Variants in CKAP2 observed in about 807,000 individuals in gnomAD.
CKAP2 encodes cytoskeleton associated protein 2.
Under a neutral mutation model 58.4 loss-of-function variants are expected in CKAP2, and 46 were observed. The ratio of observed to expected loss-of-function variants is 0.79; its 90% CI spans 0.62 to 1.01. CKAP2 has a LOEUF of 1.01. CKAP2 is among the 50% of genes least tolerant of loss of function. CKAP2 has a pLI of 0.00. For synonymous variants in CKAP2, 293 were observed against 280.9 expected, an observed-to-expected ratio of 1.04 and a Z score of -0.43; for missense variants, 809 against 796.4, an observed-to-expected ratio of 1.02 and a Z score of -0.19.
At chr13:52,465,219 G>T (rs1319941977) in intron 5 of CKAP2, 76 bp from the exon 6 acceptor site, 2 of 1,244,566 alleles carry the variant, frequency 1.6e-6, no homozygotes, top group Non-Finnish European at 2.3e-6. Flanking sequence ...CATTGATCTT[G>T]ACTATAGTAG....
At chr13:52,471,598 T>C (rs1958762252) in intron 7 of CKAP2, among the ~76,000 whole-genome samples, 1 of 152,044 alleles carries the variant, frequency 6.6e-6, no homozygotes, top group Non-Finnish European at 1.5e-5. Flanking sequence ...CTTGAACACA[T>C]AATTTTCCCC....
chr13:52,474,311 C>T (rs913504083), intron 8 of CKAP2, among the ~76,000 whole-genome samples: 1 of 151,892 alleles, frequency 6.6e-6, no homozygotes, highest in Non-Finnish European at 1.5e-5. Context: ...CATGGCAAAA[C>T]CCCATCTCTA....
In CKAP2 at chr13:52,462,359, A is replaced by G. The variant is rs758562966; in HGVS notation, c.1101-4A>G. 1.6e-5 allele frequency: 25 copies of G among 1,612,618 alleles called. No homozygotes were observed. Among genetic ancestry groups the G allele is most frequent in the Non-Finnish European group, 1.8e-5 (21 of 1,179,622 alleles). ...GTAACGTTTATATCTGCTTCTAACT[A>G]TAGAGCTCGTCTGAGTGAGTGGAAA... is the stretch of plus-strand genomic sequence containing the variant. On this transcript the variant is annotated splice_region_variant and splice_polypyrimidine_tract_variant and intron_variant, in intron 4 of 8. Coordinates refer to ENST00000258607, the MANE Select transcript of CKAP2 (RefSeq NM_018204.5).
intron 2 of CKAP2, among the ~76,000 whole-genome samples, chr13:52,459,625 AT>A (rs576169029): frequency 2.0e-5 from 3 of 146,554 alleles, no homozygotes; most frequent in African/African-American, 2.5e-5. Flanking sequence ...TCCTGGCCTC[AT>A]TTTTTTTTTC....
chr13:52,473,663 G>T (rs1032317320), intron 7 of CKAP2, 166 bp from the exon 8 acceptor site: 76 of 564,272 alleles, frequency 1.3e-4, no homozygotes, highest in Non-Finnish European at 1.9e-4. Flanking sequence ...AATAGTATTT[G>T]TTATATAGTT....
chr13:52,473,792 C>T, intron 7 of CKAP2, 37 bp from the exon 8 acceptor site: 1 of 1,543,848 alleles, frequency 6.5e-7, no homozygotes, highest in Non-Finnish European at 8.7e-7. Context: ...TCTTAAAATT[C>T]AGCCAAAAGC....
chr13:52,467,124 G>T (rs1349360575), intron 6 of CKAP2, among the ~76,000 whole-genome samples: 1 of 148,592 alleles, frequency 6.7e-6, no homozygotes, highest in Non-Finnish European at 1.5e-5. Context: ...AAAAAAATTA[G>T]CCAAGAAAAC....
At chr13:52,467,878 C>T (rs534048478) in intron 6 of CKAP2, among the ~76,000 whole-genome samples, 5 of 150,610 alleles carry the variant, frequency 3.3e-5, no homozygotes, top group East Asian at 2.0e-4. Flanking sequence ...GGCATGATCT[C>T]GGCTCACTGC....
Position 52,468,189 on chromosome 13 carries a change from A to G in CKAP2, c.1477-89A>G, listed in dbSNP as rs182395664. ...AGCCACTCTTACTTTAAAATACAGTATGAAAATTTAATCGCGACTTGGATA... is the reference window on the plus strand; with the variant it reads ...AGCCACTCTTACTTTAAAATACAGTGTGAAAATTTAATCGCGACTTGGATA... On this transcript the variant is annotated intron_variant, in intron 6 of 8. Transcript: ENST00000258607. The G allele has an allele frequency of 1.1e-4, 81 of 729,372 alleles. No individual in the cohort carries two copies. The East Asian group carries it at 1.5e-3, about 14-fold the overall frequency. The allele number at this position is 729,372 out of a possible 1,614,324, so 45.2% of individuals were successfully genotyped here. A position where few individuals can be genotyped will look rare whatever the true frequency, so the allele number is the denominator to read the frequency against.
At chr13:52,467,168 G>A (rs1489236405) in intron 6 of CKAP2, among the ~76,000 whole-genome samples, 1 of 151,684 alleles carries the variant, frequency 6.6e-6, no homozygotes, top group African/African-American at 2.4e-5. Flanking sequence ...TCAGGACTCA[G>A]TTCTGGAACT....
chr13:52,461,127 C>G lies in CKAP2; in HGVS notation c.301C>G (p.Pro101Ala). The change falls in exon 4 of 9, where the codon CCT (proline) becomes GCT (alanine). Residue 101 changes from proline (P) to alanine (A), a missense_variant. This residue lies in a region of CKAP2 where 523 missense variants were observed against 492.4 expected (regional missense o/e 1.06). Transcript: ENST00000258607. ...NNTVVGKHCI[P>A]LKPSNELTNS... is the part of the protein sequence containing the mutation. ...TACAGTGGTGGGGAAACATTGTATT[C>G]CTTTAAAACCTTCAAATGAACTAAC... The G allele has an allele frequency of 6.2e-7, 1 of 1,612,308 alleles. No homozygotes were observed. The highest frequency in any genetic ancestry group is 8.5e-7 in the Non-Finnish European group (1 of 1,179,466).
chr13:52,464,848 AAGTTACAATC>A, intron 5 of CKAP2, among the ~76,000 whole-genome samples: 1 of 152,326 alleles, frequency 6.6e-6, no homozygotes, highest in Non-Finnish European at 1.5e-5. Flanking sequence ...ACACCAGTAA[AAGTTACAATC>A]AGGAAAACTC....
chr13:52,475,148 T>C lies in CKAP2; in HGVS notation c.*7T>C, dbSNP rs1958811542. 6.2e-7 allele frequency: 1 copy of C among 1,610,364 alleles called. No homozygotes were observed. Among genetic ancestry groups the C allele is most frequent in the East Asian group, 2.2e-5 (1 of 44,838 alleles). ...TGAGGCTGATACAACATAAGAGAAA[T>C]AAAGCTCTGTTAGGGAATGGGGTTT... On this transcript the variant is annotated 3_prime_UTR_variant, in exon 9 of 9. Transcript: ENST00000258607.
At chr13:52,465,830 C>A in intron 6 of CKAP2, 1 of 397,326 alleles carries the variant, frequency 2.5e-6, no homozygotes, top group South Asian at 1.9e-5. Context: ...ATTAAATTCG[C>A]TTTTTAAATG....
At chr13:52,468,225 G>T (rs746960351) in intron 6 of CKAP2, 53 bp from the exon 7 acceptor site, 1 of 1,098,450 alleles carries the variant, frequency 9.1e-7, no homozygotes, top group Non-Finnish European at 1.3e-6. Context: ...CCTAGTTAAT[G>T]TCAGAGAAAA....
Position 52,473,742 on chromosome 13 carries a change from G to A in CKAP2, c.1547-87G>A, listed in dbSNP as rs1594145485. The A allele has an allele frequency of 2.4e-6, 3 of 1,240,064 alleles. No individual in the cohort carries two copies. In the South Asian group the frequency reaches 4.5e-5, roughly 19 times the overall value. The allele number at this position is 1,240,064 out of a possible 1,614,324, so 76.8% of individuals were successfully genotyped here. On this transcript the variant is annotated intron_variant, in intron 7 of 8. Transcript: ENST00000258607. ...AATCGTGTTCTTTTATTTTGAAAAT[G>A]TGGCCAACTAGGAACAACTTTAATG...
At chr13:52,469,613 G>A (rs1402980045) in intron 7 of CKAP2, among the ~76,000 whole-genome samples, 1 of 142,424 alleles carries the variant, frequency 7.0e-6, no homozygotes, top group African/African-American at 2.5e-5. Flanking sequence ...TTTTTGAGAC[G>A]GAGTCTCGCT....
intron 7 of CKAP2, among the ~76,000 whole-genome samples, chr13:52,469,655 G>A (rs1958734494): frequency 6.8e-6 from 1 of 147,266 alleles, no homozygotes; most frequent in South Asian, 2.2e-4. Context: ...GGACTGCAGT[G>A]GCGCAATCTC....
At position 52,461,861 on chromosome 13, in the gene CKAP2, T is replaced by C. The variant is rs1180532787; in HGVS notation, c.1035T>C (p.His345=). The change falls in exon 4 of 9, where the codon CAT becomes CAC. Residue 345 remains histidine, a synonymous_variant. Transcript: ENST00000258607. ...CAGAGCCCGTTGACCAGCGAAGACA[T>C]ACTGCAGGAAAAGCAATTGTTGATA... ...EKSEPVDQRR[H]TAGKAIVDSR... 1 of 1,614,004 alleles carries C rather than the reference T, an allele frequency of 6.2e-7. No individual in the cohort carries two copies. The highest frequency in any genetic ancestry group is 8.5e-7 in the Non-Finnish European group (1 of 1,180,008).
Sources: gnomAD v4.1 joint callset for allele counts (sites outside exome capture counted in the v4.1 genomes callset) on GRCh38, gnomAD v4.1.1 for gene constraint, gnomAD v4.1.1 regional missense constraint, MANE v1.5 for transcripts, NCBI Gene and HGNC (gene_info 2026-07-23, HGNC 2026-07-21) for gene names.